Variants in GPC4 observed in about 807,000 individuals in gnomAD.
GPC4 encodes glypican-4.
GPC4 carries 10 observed loss-of-function variants against 35.0 expected under a neutral mutation model. That is an observed-to-expected ratio of 0.29 (90% confidence interval 0.18 to 0.48). GPC4 has a LOEUF of 0.48. Ranked by LOEUF, GPC4 falls within the 20% of genes least tolerant of loss-of-function variation. The pLI is 0.99. For missense variants in GPC4, 322 were observed against 451.3 expected, an observed-to-expected ratio of 0.71 and a Z score of 2.60; for synonymous variants, 167 against 170.2, an observed-to-expected ratio of 0.98 and a Z score of 0.15.
rs941430148 is a variant in GPC4 at position 133,337,563 on chromosome X, A to AT, written c.319+1619dup. Among the ~76,000 whole-genome samples, 7 of 110,576 alleles carry AT rather than the reference A, an allele frequency of 6.3e-5. No individual in the cohort carries two copies. The East Asian group carries it at 8.5e-4, about 13-fold the overall frequency. ...CGGGAGAGTCATTTCTAAAGAGCAG[A>AT]TTTTTTTTTCCTTCTAAATTCCATT... On this transcript the variant is annotated intron_variant, in intron 2 of 8. Coordinates refer to ENST00000370828, the MANE Select transcript of GPC4 (RefSeq NM_001448.3).
At chrX:133,309,134 T>C (rs1449762411) in intron 4 of GPC4, among the ~76,000 whole-genome samples, 1 of 111,872 alleles carries the variant, frequency 8.9e-6, no homozygotes, top group Non-Finnish European at 1.9e-5. Flanking sequence ...TAACAATGTC[T>C]ATTACTCCTG....
At chrX:133,405,382 C>T (rs1015798134) in intron 1 of GPC4, among the ~76,000 whole-genome samples, 2 of 111,895 alleles carry the variant, frequency 1.8e-5, no homozygotes, top group Non-Finnish European at 3.8e-5. Context: ...GGATTACAGG[C>T]GTGAGCCACC....
At chrX:133,318,219 T>C (rs1042633695) in intron 3 of GPC4, among the ~76,000 whole-genome samples, 22 of 112,232 alleles carry the variant, frequency 2.0e-4, no homozygotes, top group African/African-American at 3.6e-4. Context: ...AAAAAGAATA[T>C]TGAGAGTTGA....
intron 1 of GPC4, among the ~76,000 whole-genome samples, chrX:133,342,097 C>T (rs1027143713): frequency 5.7e-4 from 55 of 96,111 alleles, no homozygotes; most frequent in Non-Finnish European, 9.7e-4. Flanking sequence ...AGTGCAGTGT[C>T]GTGATCTCGG....
At chrX:133,377,868 T>C (rs1310854555) in intron 1 of GPC4, among the ~76,000 whole-genome samples, 1 of 95,416 alleles carries the variant, frequency 1.0e-5, no homozygotes, top group Non-Finnish European at 2.0e-5. Flanking sequence ...ATACCATACT[T>C]TTCTTTTTCT....
intron 1 of GPC4, among the ~76,000 whole-genome samples, chrX:133,354,572 T>TTTA (rs1235509852): frequency 7.0e-4 from 66 of 94,580 alleles, no homozygotes; most frequent in African/African-American, 1.2e-3. Flanking sequence ...TTATTTATTT[T>TTTA]TTTTTTTGAG....
At chrX:133,358,750 T>C (rs952404876) in intron 1 of GPC4, among the ~76,000 whole-genome samples, 1 of 111,134 alleles carries the variant, frequency 9.0e-6, no homozygotes, top group African/African-American at 3.3e-5. Context: ...CCTTAGAGCG[T>C]CTGTCAGTTT....
chrX:133,344,329 A>T (rs1223013633), intron 1 of GPC4, among the ~76,000 whole-genome samples: 1 of 101,162 alleles, frequency 9.9e-6, no homozygotes, highest in African/African-American at 3.6e-5. Flanking sequence ...GGGTTCAAGC[A>T]ATTCTCCTGC....
intron 1 of GPC4, among the ~76,000 whole-genome samples, chrX:133,372,168 G>C (rs770817696): frequency 9.5e-6 from 1 of 105,145 alleles, no homozygotes; most frequent in African/African-American, 3.4e-5. Context: ...GGAGGTTGCT[G>C]TGAGCCAAGA....
chrX:133,363,229 TCTCA>T (rs2068576801), intron 1 of GPC4, among the ~76,000 whole-genome samples: 1 of 111,153 alleles, frequency 9.0e-6, no homozygotes, highest in Admixed American at 9.6e-5. Context: ...AGGAATGAGG[TCTCA>T]CTATGTTGCC....
At chrX:133,409,141 C>T (rs6638087) in intron 1 of GPC4, among the ~76,000 whole-genome samples, 4 of 91,767 alleles carry the variant, frequency 4.4e-5, no homozygotes, top group Non-Finnish European at 6.3e-5. Context: ...GGCAACAGAG[C>T]GAAACTTCAT....
chrX:133,396,080 TA>T (rs1299724832), intron 1 of GPC4, among the ~76,000 whole-genome samples: 3 of 111,900 alleles, frequency 2.7e-5, no homozygotes, highest in African/African-American at 9.7e-5. Flanking sequence ...AAAATGCTGT[TA>T]TTCTTTCTTA....
At chrX:133,407,703 T>C (rs1443488002) in intron 1 of GPC4, among the ~76,000 whole-genome samples, 1 of 112,460 alleles carries the variant, frequency 8.9e-6, no homozygotes, top group Non-Finnish European at 1.9e-5. Context: ...CCACTTAATT[T>C]CTAGTTTGTA....
intron 1 of GPC4, among the ~76,000 whole-genome samples, chrX:133,354,751 G>A (rs1172803728): frequency 9.6e-6 from 1 of 103,757 alleles, no homozygotes; most frequent in Non-Finnish European, 2.0e-5. Context: ...TGTATTTTTA[G>A]TAGAGACGGG....
intron 4 of GPC4, among the ~76,000 whole-genome samples, chrX:133,307,890 G>C (rs1189675685): frequency 8.9e-6 from 1 of 112,252 alleles, no homozygotes; most frequent in Non-Finnish European, 1.9e-5. Flanking sequence ...GTGAAAGACT[G>C]AAAGGAAACA....
chrX:133,327,145 T>C (rs190979314), intron 2 of GPC4, among the ~76,000 whole-genome samples: 4 of 112,603 alleles, frequency 3.6e-5, no homozygotes, highest in East Asian at 5.6e-4. Flanking sequence ...CTTCCTTATA[T>C]TGAATTTTTA....
intron 4 of GPC4, among the ~76,000 whole-genome samples, chrX:133,306,959 G>A (rs1415907830): frequency 8.9e-6 from 1 of 111,787 alleles, no homozygotes; most frequent in Non-Finnish European, 1.9e-5. Context: ...CATTGTCTTT[G>A]TTTTCTTGCC....
chrX:133,407,924 G>A (rs1377729744), intron 1 of GPC4, among the ~76,000 whole-genome samples: 1 of 112,197 alleles, frequency 8.9e-6, no homozygotes, highest in Non-Finnish European at 1.9e-5. Flanking sequence ...TAGTTTCCAG[G>A]CTTCCTGGAG....
At position 133,415,168 on chromosome X, in the gene GPC4, G is replaced by A; in HGVS notation, c.-203C>T. 2.4e-6 allele frequency: 1 copy of A among 418,991 alleles called. No homozygotes were observed. Among genetic ancestry groups the A allele is most frequent in the Non-Finnish European group, 4.1e-6 (1 of 244,533 alleles). The allele number at this position is 418,991 out of a possible 1,213,427, so 34.5% of individuals were successfully genotyped here. On this transcript the variant is annotated 5_prime_UTR_variant, in exon 1 of 9. Transcript: ENST00000370828. Reference sequence around the variant, plus strand: ...GGCCTCGCGTCAGGCAACGGTCCCCGGTGCCAGGCGCCGGGCCAGGGGAGA... The same window carrying A: ...GGCCTCGCGTCAGGCAACGGTCCCCAGTGCCAGGCGCCGGGCCAGGGGAGA...
Sources: gnomAD v4.1 joint callset for allele counts (sites outside exome capture counted in the v4.1 genomes callset) on GRCh38, gnomAD v4.1.1 for gene constraint, MANE v1.5 for transcripts, NCBI Gene and HGNC (gene_info 2026-07-23, HGNC 2026-07-21) for gene names.